GALNS: variants seen among roughly 807,000 people sequenced by gnomAD.
GALNS encodes galactosamine (N-acetyl)-6-sulfatase.
A neutral mutation model predicts 65.9 loss-of-function variants in GALNS; 65 were observed. That is an observed-to-expected ratio of 0.99 (90% CI 0.81 to 1.21). The LOEUF (loss-of-function observed/expected upper bound fraction) is 1.21, where lower values mean the gene tolerates loss of function less well. Ranked by LOEUF, GALNS falls within the 50% of genes most tolerant of loss-of-function variation. The pLI is 0.00. For missense variants in GALNS, 776 were observed against 700.7 expected (o/e 1.11, Z -1.21); for synonymous variants, 346 against 288.9 (o/e 1.20, Z -2.00).
rs1415775292 is a variant in GALNS at position 88,832,112 on chromosome 16, G to C, written c.899-11C>G. The stretch of plus-strand genomic sequence containing the variant: ...GGCCGTTGCTGCCACCTGGGAGAGA[G>C]GGGCCCTTGTCAGGCCACTGGGACC... On this transcript the variant is annotated splice_polypyrimidine_tract_variant and intron_variant, in intron 8 of 13. Coordinates refer to ENST00000268695, the MANE Select transcript of GALNS (RefSeq NM_000512.5). 2.5e-6 allele frequency: 4 copies of C among 1,611,806 alleles called. No individual in the cohort carries two copies. The South Asian group carries it at 3.3e-5, about 13-fold the overall frequency.
chr16:88,838,384 A>T (rs1026623878), intron 4 of GALNS, among the ~76,000 whole-genome samples: 1 of 152,074 alleles, frequency 6.6e-6, no homozygotes, highest in African/African-American at 2.4e-5. Flanking sequence ...TGACGACAAG[A>T]GAACGTGACA....
intron 12 of GALNS, among the ~76,000 whole-genome samples, chr16:88,819,711 TGA>T (rs202016716): frequency 0.041 from 6,306 of 152,114 alleles, 160 homozygotes; most frequent in South Asian, 0.083. Flanking sequence ...TATTATTTTT[TGA>T]GAGAGAGTCT....
At chr16:88,848,477 C>A (rs957675551) in intron 1 of GALNS, among the ~76,000 whole-genome samples, 2 of 149,980 alleles carry the variant, frequency 1.3e-5, no homozygotes, top group African/African-American at 4.9e-5. Context: ...ACCAAAAATA[C>A]AAAAAATTAG....
intron 13 of GALNS, chr16:88,815,352 C>T (rs1424900773): frequency 1.0e-6 from 1 of 985,360 alleles, no homozygotes; most frequent in East Asian, 1.1e-4. Flanking sequence ...ACTCATCACC[C>T]TCTCCTGCAG....
intron 4 of GALNS, 124 bp from the exon 5 acceptor site, chr16:88,837,889 G>C (rs1422901644): frequency 1.0e-6 from 1 of 1,000,620 alleles, no homozygotes; most frequent in African/African-American, 1.6e-5. Flanking sequence ...CACTGAGTAT[G>C]GGCTATGCCT....
intron 11 of GALNS, among the ~76,000 whole-genome samples, chr16:88,824,441 G>C (rs1910589005): frequency 1.3e-5 from 2 of 152,174 alleles, no homozygotes; most frequent in Non-Finnish European, 2.9e-5. Flanking sequence ...CCTCCAGCCT[G>C]GGGTGTGGGG....
intron 8 of GALNS, among the ~76,000 whole-genome samples, chr16:88,833,359 C>T (rs923858870): frequency 6.6e-5 from 10 of 152,080 alleles, no homozygotes; most frequent in African/African-American, 2.4e-4. Context: ...GCTGGGGACA[C>T]TGGCCACTTC....
At chr16:88,821,972 G>A (rs1910268118) in intron 12 of GALNS, among the ~76,000 whole-genome samples, 2 of 152,044 alleles carry the variant, frequency 1.3e-5, no homozygotes, top group South Asian at 2.1e-4. Flanking sequence ...GGTAGCCCTA[G>A]CCCAGGGAGA....
intron 3 of GALNS, among the ~76,000 whole-genome samples, 170 bp from the exon 4 acceptor site, chr16:88,841,264 A>G (rs112290897): frequency 3.9e-5 from 6 of 152,268 alleles, no homozygotes; most frequent in African/African-American, 1.4e-4. Context: ...GCACTTCCCA[A>G]GATTTTTCCA....
Position 88,842,845 on chromosome 16 carries a change from C to T in GALNS, c.121-16G>A, listed in dbSNP as rs113230137. 2.5e-5 allele frequency: 40 copies of T among 1,612,446 alleles called. No homozygotes were observed. The highest frequency in any genetic ancestry group is 1.7e-4 in the African/African-American group (13 of 75,048). Reference sequence around the variant, plus strand: ...CCCATCCCATCTGCAGGGAAGAGCACGGGGAGGAGGAATGAGCGCCTTCTG... The same window carrying T: ...CCCATCCCATCTGCAGGGAAGAGCATGGGGAGGAGGAATGAGCGCCTTCTG... On this transcript the variant is annotated splice_polypyrimidine_tract_variant and intron_variant, in intron 1 of 13. Coordinates refer to ENST00000268695, the MANE Select transcript of GALNS (RefSeq NM_000512.5).
At chr16:88,816,631 A>G (rs1402042209) in intron 13 of GALNS, 2 of 983,286 alleles carry the variant, frequency 2.0e-6, no homozygotes, top group Non-Finnish European at 2.4e-6. Flanking sequence ...CATGGTCCTC[A>G]CTGCTGGTAG....
chr16:88,821,329 C>T (rs943320500), intron 12 of GALNS, among the ~76,000 whole-genome samples: 5 of 152,186 alleles, frequency 3.3e-5, no homozygotes, highest in Admixed American at 2.6e-4. Flanking sequence ...TTCACCATGT[C>T]TGTGTCTCCT....
intron 1 of GALNS, among the ~76,000 whole-genome samples, chr16:88,853,135 C>T (rs1967585741): frequency 6.6e-6 from 1 of 151,366 alleles, no homozygotes; most frequent in Non-Finnish European, 1.5e-5. Flanking sequence ...CCTGTAGTCC[C>T]AGCTACTCGG....
chr16:88,833,152 C>T (rs1221118944), intron 8 of GALNS, among the ~76,000 whole-genome samples: 2 of 151,838 alleles, frequency 1.3e-5, no homozygotes, highest in African/African-American at 4.8e-5. Context: ...GAGGCAAAGT[C>T]ACCGCAGCTC....
intron 1 of GALNS, chr16:88,856,011 A>G (rs1967835790): frequency 8.3e-6 from 5 of 601,920 alleles, no homozygotes; most frequent in Non-Finnish European, 1.5e-5. Flanking sequence ...TGGAGACAGT[A>G]GGGTTTCAAC....
chr16:88,814,695 G>C, intron 13 of GALNS, 170 bp from the exon 14 acceptor site: 1 of 575,206 alleles, frequency 1.7e-6, no homozygotes, highest in Non-Finnish European at 2.2e-6. Flanking sequence ...CCGGGTTCAA[G>C]AGATTCTCCT....
chr16:88,854,777 T>C (rs1011450644), intron 1 of GALNS, among the ~76,000 whole-genome samples: 4 of 152,218 alleles, frequency 2.6e-5, no homozygotes, highest in Non-Finnish European at 5.9e-5. Context: ...GTCTGTCGAC[T>C]CAGGAGGGCC....
At chr16:88,825,434 TAGGGCTGGAGTGCCTGGGCGGCC>T (rs1253433677) in intron 10 of GALNS, among the ~76,000 whole-genome samples, 1 of 124,788 alleles carries the variant, frequency 8.0e-6, no homozygotes, top group Non-Finnish European at 1.6e-5. Flanking sequence ...CCTGGGTGTC[TAGGGCTGGAGTGCCTGGGCGGCC>T]AGGGCTGGGG....
At chr16:88,821,971 A>C (rs1910267485) in intron 12 of GALNS, among the ~76,000 whole-genome samples, 1 of 151,952 alleles carries the variant, frequency 6.6e-6, no homozygotes, top group Non-Finnish European at 1.5e-5. Flanking sequence ...AGGTAGCCCT[A>C]GCCCAGGGAG....
Sources: gnomAD v4.1 joint callset for allele counts (sites outside exome capture counted in the v4.1 genomes callset) on GRCh38, gnomAD v4.1.1 for gene constraint, MANE v1.5 for transcripts, NCBI Gene and HGNC (gene_info 2026-07-23, HGNC 2026-07-21) for gene names.